Variants in HRH1 observed in about 807,000 individuals in gnomAD.
HRH1 encodes the protein histamine receptor H1.
In HRH1, 6 loss-of-function variants were observed where a neutral mutation model predicts 10.3. The observed-to-expected ratio is 0.58, with a 90% CI of 0.32 to 1.15. The LOEUF is 1.15. Ranked by LOEUF, HRH1 falls within the 50% of genes most tolerant of loss-of-function variation. The probability of loss-of-function intolerance (pLI) is 0.05; values close to 1 mark genes in which losing one functional copy is unlikely to be tolerated. For missense variants in HRH1, 514 were observed against 615.3 expected (o/e 0.84, Z 1.74); for synonymous variants, 242 against 236.7 (o/e 1.02, Z -0.21).
In HRH1 at chr3:11,230,153, G is replaced by A. The variant is rs551925620; in HGVS notation, c.-35-28850G>A. ...GAGACACCAGAGCATGTTCTAGGGA[G>A]GTGACACTGACTGAAGTCCACTGGG... On this transcript the variant is annotated intron_variant, in intron 1 of 1. Transcript: ENST00000431010. 7.9e-5 allele frequency among the ~76,000 whole-genome samples: 12 copies of A among 152,332 alleles called. No homozygotes were observed. The South Asian group carries it at 8.3e-4, about 11-fold the overall frequency.
intron 1 of HRH1, among the ~76,000 whole-genome samples, chr3:11,180,024 A>C (rs1010450226): frequency 6.6e-6 from 1 of 152,030 alleles, no homozygotes; most frequent in Non-Finnish European, 1.5e-5. Context: ...TGGCCTCCCA[A>C]AGCGCTGGAA....
chr3:11,178,599 C>G (rs1238679112), intron 1 of HRH1, among the ~76,000 whole-genome samples: 2 of 152,174 alleles, frequency 1.3e-5, no homozygotes, highest in Non-Finnish European at 2.9e-5. Context: ...GAACTTCCAC[C>G]TTCCACCCCA....
In HRH1 at chr3:11,260,606, A is replaced by G. The variant is rs200699665; in HGVS notation, c.*105A>G. On this transcript the variant is annotated 3_prime_UTR_variant, in exon 2 of 2. Coordinates refer to ENST00000431010, the MANE Select transcript of HRH1 (RefSeq NM_001098212.2). ...CAGGCAGGCACCTGGGCTTTCTGGA[A>G]TCCAAACCACAGTCTTAGGGGCTTG... The G allele has an allele frequency of 5.6e-5, 60 of 1,065,478 alleles. 1 individual carries two copies. The South Asian group carries it at 9.0e-4, about 16-fold the overall frequency. The allele number at this position is 1,065,478 out of a possible 1,614,324, so 66.0% of individuals were successfully genotyped here. A position where few individuals can be genotyped will look rare whatever the true frequency, so the allele number is the denominator to read the frequency against.
chr3:11,253,504 C>T (rs1046460013), intron 1 of HRH1, among the ~76,000 whole-genome samples: 1 of 152,216 alleles, frequency 6.6e-6, no homozygotes, highest in Non-Finnish European at 1.5e-5. Context: ...TCTAGGCCAG[C>T]GTATTTTTCT....
In HRH1 at chr3:11,155,276, T is replaced by C. The variant is rs577947884; in HGVS notation, c.-36+722T>C. Among the ~76,000 whole-genome samples the C allele has an allele frequency of 2.6e-5, 4 of 152,154 alleles. No homozygotes were observed. The South Asian group carries it at 8.3e-4, about 32-fold the overall frequency. ...TCCTCGTTGTACCGAGAGAGGAGGA[T>C]GCTTTGGGAAAATGAGTGGATATTA... On this transcript the variant is annotated intron_variant, in intron 1 of 1. Transcript: ENST00000431010.
At chr3:11,195,483 T>C (rs909693698) in intron 1 of HRH1, among the ~76,000 whole-genome samples, 1 of 152,206 alleles carries the variant, frequency 6.6e-6, no homozygotes, top group Non-Finnish European at 1.5e-5. Flanking sequence ...GGAAGTTCCC[T>C]CCACTTCAGC....
chr3:11,149,200 A>G (rs1936541323), intron 1 of HRH1, among the ~76,000 whole-genome samples: 1 of 152,222 alleles, frequency 6.6e-6, no homozygotes, highest in African/African-American at 2.4e-5. Context: ...TATTCTTAGT[A>G]TCTATTATAT....
At chr3:11,154,421 C>T (rs1488776690), upstream of HRH1, 16 of 142,242 alleles carry the variant, frequency 1.1e-4, no homozygotes, top group Admixed American at 9.0e-4. The surrounding 1 kb of genome is among the most constrained non-coding windows in gnomAD (Gnocchi z 4.4). Context: ...GCGGGTGGGC[C>T]CCTCGGAGCG....
Position 11,217,893 on chromosome 3 carries a change from T to TGAGCCA in HRH1, c.-35-41108_-35-41103dup, listed in dbSNP as rs1389932260. ...TGACCAAAGGGATCAATCCTGAGCC[T>TGAGCCA]GAGCCAGTCTCTGGATTCAGCTGGC... On this transcript the variant is annotated intron_variant, in intron 1 of 1. Coordinates refer to ENST00000431010, the MANE Select transcript of HRH1 (RefSeq NM_001098212.2). Among the ~76,000 whole-genome samples, 4 of 152,264 alleles carry TGAGCCA rather than the reference T, an allele frequency of 2.6e-5. No homozygotes were observed. In the East Asian group the frequency reaches 5.8e-4, roughly 22 times the overall value.
intron 1 of HRH1, among the ~76,000 whole-genome samples, chr3:11,168,691 A>G (rs1559258570): frequency 6.6e-6 from 1 of 152,222 alleles, no homozygotes; most frequent in Non-Finnish European, 1.5e-5. Context: ...TCCTGGCACA[A>G]AGCAGACACA....
At chr3:11,175,379 G>A (rs1250723503) in intron 1 of HRH1, among the ~76,000 whole-genome samples, 1 of 152,108 alleles carries the variant, frequency 6.6e-6, no homozygotes, top group Non-Finnish European at 1.5e-5. Context: ...TGACCATTAG[G>A]CCATCCTGCC....
chr3:11,227,543 C>T (rs777704543), intron 1 of HRH1, among the ~76,000 whole-genome samples: 1 of 152,122 alleles, frequency 6.6e-6, no homozygotes, highest in Non-Finnish European at 1.5e-5. Flanking sequence ...ACCTCAGCCT[C>T]CCAAAGTGCT....
chr3:11,169,540 G>A (rs926535234), intron 1 of HRH1, among the ~76,000 whole-genome samples: 1 of 152,138 alleles, frequency 6.6e-6, no homozygotes, highest in Non-Finnish European at 1.5e-5. Context: ...AAGTAATGGA[G>A]GGGACAAAGG....
chr3:11,169,689 A>G (rs936839469), intron 1 of HRH1, among the ~76,000 whole-genome samples: 1 of 152,150 alleles, frequency 6.6e-6, no homozygotes, highest in African/African-American at 2.4e-5. Flanking sequence ...TTCAAGAGGC[A>G]ATACATCCTA....
chr3:11,250,104 G>A (rs1427471161), intron 1 of HRH1, among the ~76,000 whole-genome samples: 18 of 138,910 alleles, frequency 1.3e-4, no homozygotes, highest in African/African-American at 3.7e-4. Context: ...GTGCAGTGGC[G>A]CGATCTCCGC....
intron 1 of HRH1, among the ~76,000 whole-genome samples, chr3:11,246,989 A>G (rs1431934172): frequency 1.3e-5 from 2 of 152,184 alleles, no homozygotes; most frequent in Non-Finnish European, 2.9e-5. Flanking sequence ...TCTGTCAAAT[A>G]TAATTGTTAG....
rs111464767 is a variant in HRH1, at chr3:11,234,470, G to A, written c.-35-24533G>A. On this transcript the variant is annotated intron_variant, in intron 1 of 1. Transcript: ENST00000431010. The stretch of plus-strand genomic sequence containing the variant: ...CGTGCTATAGTGGAAGCAGGAAAAG[G>A]CTGACTTGAACTGTTCCCCACAGGG... 2,512 of 1,565,490 alleles carry A rather than the reference G, an allele frequency of 1.6e-3. 35 individuals are homozygous for A. The African/African-American group carries it at 0.029, about 18-fold the overall frequency.
intron 1 of HRH1, among the ~76,000 whole-genome samples, chr3:11,189,865 G>A (rs775524190): frequency 5.3e-5 from 8 of 152,126 alleles, no homozygotes; most frequent in Non-Finnish European, 1.0e-4. Flanking sequence ...CACAAGAATC[G>A]CTTCAACCCA....
At chr3:11,209,512 G>A (rs867266165) in intron 1 of HRH1, among the ~76,000 whole-genome samples, 9 of 152,098 alleles carry the variant, frequency 5.9e-5, no homozygotes, top group South Asian at 2.1e-4. Context: ...TAAATGTATC[G>A]GTGGTTCACA....
Sources: allele counts gnomAD v4.1 joint callset (sites outside exome capture counted in the v4.1 genomes callset), GRCh38; gene constraint gnomAD v4.1.1; non-coding constraint Gnocchi (gnomAD v3.1); transcripts MANE v1.5; gene names NCBI Gene and HGNC (gene_info 2026-07-23, HGNC 2026-07-21).